The following CFI variants were observed in gnomAD, a reference collection of about 807,000 sequenced individuals.
CFI encodes complement factor I.
A neutral mutation model predicts 78.8 loss-of-function variants in CFI; 66 were observed. The ratio of observed to expected loss-of-function variants is 0.84; its 90% CI spans 0.69 to 1.03. The LOEUF is 1.03. Ranked by LOEUF, CFI falls within the 50% of genes least tolerant of loss-of-function variation. CFI has a pLI of 0.00. For synonymous variants in CFI, 250 were observed against 232.6 expected (o/e 1.07, Z -0.68); for missense variants, 706 against 704.5 (o/e 1.00, Z -0.02).
chr4:109,785,846 C>A (rs1730672351), intron 1 of CFI, among the ~76,000 whole-genome samples: 1 of 152,036 alleles, frequency 6.6e-6, no homozygotes, highest in Non-Finnish European at 1.5e-5. Flanking sequence ...CTTAATACTT[C>A]CTCCTGCCGC....
At chr4:109,760,959 A>T (rs1329177091) in intron 4 of CFI, among the ~76,000 whole-genome samples, 1 of 152,124 alleles carries the variant, frequency 6.6e-6, no homozygotes, top group East Asian at 1.9e-4. Context: ...TGCTATACTC[A>T]TCCTCACCCC....
At chr4:109,775,692 A>G (rs539177250) in intron 1 of CFI, among the ~76,000 whole-genome samples, 1 of 152,198 alleles carries the variant, frequency 6.6e-6, no homozygotes, top group Non-Finnish European at 1.5e-5. Context: ...GAATGGACAG[A>G]CTGCCTCAAG....
chr4:109,771,665 G>A (rs1315868976), intron 1 of CFI, among the ~76,000 whole-genome samples: 1 of 123,460 alleles, frequency 8.1e-6, no homozygotes, highest in African/African-American at 3.1e-5. Context: ...AGTGAGCCGA[G>A]ATCGCACCAG....
At chr4:109,764,966 G>A (rs1727550950) in intron 2 of CFI, among the ~76,000 whole-genome samples, 1 of 152,176 alleles carries the variant, frequency 6.6e-6, no homozygotes. Context: ...TCTAGGGGAA[G>A]TTAAGTTCCT....
intron 5 of CFI, 22 bp from the exon 6 acceptor site, chr4:109,760,402 A>G: frequency 1.9e-6 from 3 of 1,594,922 alleles, no homozygotes; most frequent in Non-Finnish European, 2.6e-6. Flanking sequence ...TAAGCAGGAG[A>G]GGTTTTTTTC....
At chr4:109,756,916 A>G (rs531351548) in intron 7 of CFI, among the ~76,000 whole-genome samples, 1 of 131,190 alleles carries the variant, frequency 7.6e-6, no homozygotes, top group South Asian at 2.7e-4. Context: ...AAAGAAAGAA[A>G]GAAAGAAAGA....
chr4:109,731,746 C>T, the CFI span, among the ~76,000 whole-genome samples: 30 of 152,124 alleles, frequency 2.0e-4, no homozygotes, highest in Non-Finnish European at 4.3e-4. Flanking sequence ...GAAGAATGTT[C>T]CCTGGAAGGT....
At chr4:109,796,419 A>G (rs1732065106) in intron 1 of CFI, among the ~76,000 whole-genome samples, 1 of 152,244 alleles carries the variant, frequency 6.6e-6, no homozygotes, top group Non-Finnish European at 1.5e-5. Context: ...ATAAACAGCA[A>G]CACTAAAGCT....
chr4:109,734,313 G>A, the CFI span, among the ~76,000 whole-genome samples: 1 of 152,228 alleles, frequency 6.6e-6, no homozygotes, highest in Non-Finnish European at 1.5e-5. Flanking sequence ...GCCAAGTGCA[G>A]CAGAAGTGGA....
chr4:109,756,899 AAG>A (rs1491505941), intron 7 of CFI, among the ~76,000 whole-genome samples: 1 of 44,014 alleles, frequency 2.3e-5, no homozygotes. Flanking sequence ...GAAAGAAAGA[AAG>A]AAAGAAAGAA....
At chr4:109,767,821 A>G (rs1444852731) in intron 1 of CFI, among the ~76,000 whole-genome samples, 2 of 152,092 alleles carry the variant, frequency 1.3e-5, no homozygotes, top group Admixed American at 6.5e-5. Flanking sequence ...TGCTATAAAG[A>G]CACATGCACA....
intron 4 of CFI, among the ~76,000 whole-genome samples, chr4:109,760,873 A>G (rs1305478903): frequency 6.6e-6 from 1 of 152,184 alleles, no homozygotes. Context: ...GAAAGTCTAT[A>G]TTTGCTGAGA....
intron 1 of CFI, among the ~76,000 whole-genome samples, chr4:109,784,797 C>G (rs758757469): frequency 7.2e-5 from 11 of 152,206 alleles, no homozygotes; most frequent in East Asian, 1.9e-4. Flanking sequence ...GCATGTTGCT[C>G]TTTCTCAAGT....
chr4:109,739,475 C>T (rs1007239239), downstream of CFI, among the ~76,000 whole-genome samples: 2 of 151,978 alleles, frequency 1.3e-5, no homozygotes, highest in Non-Finnish European at 2.9e-5. Flanking sequence ...AAGTACTATG[C>T]TGAGATTAAA....
chr4:109,769,266 T>G (rs1241393185), intron 1 of CFI, among the ~76,000 whole-genome samples: 1 of 152,160 alleles, frequency 6.6e-6, no homozygotes, highest in East Asian at 1.9e-4. Context: ...ACTCTTAGAT[T>G]TAAACAAAAA....
chr4:109,761,900 TA>T lies in CFI; in HGVS notation c.483-209del, dbSNP rs542944118. On this transcript the variant is annotated intron_variant, in intron 3 of 12. Coordinates refer to ENST00000394634, the MANE Select transcript of CFI (RefSeq NM_000204.5). Reference sequence around the variant, plus strand: ...CTCACTGGGTTTTGTAAAGATTAACTAAAACTTGGCTGGGGGTGGTGGCTCA... The same window carrying T: ...CTCACTGGGTTTTGTAAAGATTAACTAAACTTGGCTGGGGGTGGTGGCTCA... The T allele has an allele frequency of 3.2e-5, 17 of 538,476 alleles. 1 individual carries two copies. The South Asian group carries it at 3.3e-4, about 10-fold the overall frequency. The allele number at this position is 538,476 out of a possible 1,614,324, so 33.4% of individuals were successfully genotyped here. A position where few individuals can be genotyped will look rare whatever the true frequency, so the allele number is the denominator to read the frequency against.
chr4:109,785,888 C>G (rs1202686226), intron 1 of CFI, among the ~76,000 whole-genome samples: 9 of 152,044 alleles, frequency 5.9e-5, no homozygotes, highest in Non-Finnish European at 1.2e-4. Flanking sequence ...TCCTCTTCAT[C>G]TTCCATCATG....
At position 109,742,548 on chromosome 4, in the gene CFI, T is replaced by C. The variant is rs1723932350; in HGVS notation, c.1477A>G (p.Ser493Gly). ...SLQWGEVKLI[S>G]NCSKFYGNRF... is the part of the protein sequence containing the mutation. ...TTTCCGTAAAACTTAGAGCAGTTGC[T>C]TATTAGTTTAACTTCACCCCACTGA... is the stretch of plus-strand genomic sequence containing the variant. The change falls in exon 12 of 13, where the codon AGC (serine) becomes GGC (glycine). Residue 493 changes from serine to glycine, a missense_variant. Coordinates refer to ENST00000394634, the MANE Select transcript of CFI (RefSeq NM_000204.5). 2 of 1,613,786 alleles carry C rather than the reference T, an allele frequency of 1.2e-6. No homozygotes were observed. Among genetic ancestry groups the C allele is most frequent in the Non-Finnish European group, 1.7e-6 (2 of 1,179,704 alleles).
intron 11 of CFI, among the ~76,000 whole-genome samples, chr4:109,745,214 G>A (rs1443625763): frequency 6.6e-6 from 1 of 151,928 alleles, no homozygotes; most frequent in Non-Finnish European, 1.5e-5. Flanking sequence ...ACAGAGTCTC[G>A]CTCTGTCACT....
Sources: allele counts gnomAD v4.1 joint callset (sites outside exome capture counted in the v4.1 genomes callset), GRCh38; gene constraint gnomAD v4.1.1; transcripts MANE v1.5; gene names NCBI Gene and HGNC (gene_info 2026-07-23, HGNC 2026-07-21).